The following MBNL1 variants were observed in gnomAD, a reference collection of about 807,000 sequenced individuals.
The protein encoded by MBNL1 is muscleblind-like protein 1.
A neutral mutation model predicts 42.2 loss-of-function variants in MBNL1; 8 were observed. That is an observed-to-expected ratio of 0.19 (90% CI 0.11 to 0.34). The LOEUF (loss-of-function observed/expected upper bound fraction) is 0.34. Ranked by LOEUF, MBNL1 falls within the 10% of genes least tolerant of loss-of-function variation. The probability of loss-of-function intolerance (pLI) is 1.00; values close to 1 mark genes in which losing one functional copy is unlikely to be tolerated. For missense variants in MBNL1, 309 were observed against 495.3 expected, an observed-to-expected ratio of 0.62 and a Z score of 3.57; for synonymous variants, 169 against 173.9, an observed-to-expected ratio of 0.97 and a Z score of 0.22.
rs569447201 is a variant in MBNL1, at chr3:152,325,745, TA to T, written c.174+25393del. Among the ~76,000 whole-genome samples the T allele has an allele frequency of 7.4e-3, 1,022 of 138,754 alleles. 6 individuals are homozygous for T. The highest frequency in any genetic ancestry group is 0.016 in the African/African-American group (620 of 38,068). The allele number at this position is 138,754 out of a possible 152,430, so 91.0% of individuals were successfully genotyped here. On this transcript the variant is annotated intron_variant, in intron 2 of 9. Transcript: ENST00000324210. Reference sequence around the variant, plus strand: ...TTTTGTGACTTCAGGTTAGAAATATTAAAAAAAAAAAAAAATCCTTAATTGC... The same window carrying T: ...TTTTGTGACTTCAGGTTAGAAATATTAAAAAAAAAAAAAATCCTTAATTGC...
chr3:152,445,669 C>A, intron 5 of MBNL1, 130 bp downstream of exon 5: 1 of 920,488 alleles, frequency 1.1e-6, no homozygotes, highest in Non-Finnish European at 1.6e-6. Context: ...GTTCAGGTAT[C>A]CCAGACAATA....
chr3:152,384,978 G>A (rs1190396066), intron 2 of MBNL1, among the ~76,000 whole-genome samples: 2 of 151,982 alleles, frequency 1.3e-5, no homozygotes, highest in African/African-American at 4.8e-5. Flanking sequence ...AGCATGAAAA[G>A]CAGGTCAAAT....
chr3:152,464,127 G>A lies in MBNL1; in HGVS notation c.*1761G>A, dbSNP rs1023852826. The A allele has an allele frequency of 6.6e-6, 1 of 152,268 alleles. No homozygotes were observed. Among genetic ancestry groups the A allele is most frequent in the Non-Finnish European group, 1.5e-5 (1 of 67,898 alleles). 9.4% of individuals were successfully genotyped at this position (152,268 alleles called of 1,614,324 possible). ...TACTTATTTTTCTTGTTAAAATGTA[G>A]TTTTTCATTTCCTACATTTATTAGA... On this transcript the variant is annotated 3_prime_UTR_variant, in exon 10 of 10. Coordinates refer to ENST00000324210, the MANE Select transcript of MBNL1 (RefSeq NM_021038.5).
chr3:152,308,680 T>C (rs1465090154), intron 2 of MBNL1, among the ~76,000 whole-genome samples: 1 of 152,188 alleles, frequency 6.6e-6, no homozygotes, highest in Non-Finnish European at 1.5e-5. Context: ...CTGCAGAGCT[T>C]AATGAACAGC....
intron 2 of MBNL1, among the ~76,000 whole-genome samples, chr3:152,252,594 C>T (rs1462528953): frequency 6.6e-6 from 1 of 151,978 alleles, no homozygotes; most frequent in Non-Finnish European, 1.5e-5. Context: ...TTGTATTTCA[C>T]ATCTCTTCAA....
At chr3:152,348,219 A>G (rs76437832) in intron 2 of MBNL1, among the ~76,000 whole-genome samples, 10,986 of 152,198 alleles carry the variant, frequency 0.072, 514 homozygotes, top group Middle Eastern at 0.17. Context: ...AGAAAAATGT[A>G]TTTTTAACAG....
chr3:152,244,805 A>C (rs778762651), intron 2 of MBNL1, among the ~76,000 whole-genome samples: 16 of 152,162 alleles, frequency 1.1e-4, no homozygotes, highest in Non-Finnish European at 2.2e-4. Flanking sequence ...TATTTCTAAT[A>C]TTCTCTCACA....
intron 6 of MBNL1, among the ~76,000 whole-genome samples, chr3:152,453,311 A>G (rs765855918): frequency 6.6e-6 from 1 of 152,190 alleles, no homozygotes; most frequent in Non-Finnish European, 1.5e-5. Context: ...GTATGCATAC[A>G]TCTTATTTGT....
At chr3:152,317,971 C>T (rs1301943372) in intron 2 of MBNL1, among the ~76,000 whole-genome samples, 2 of 152,140 alleles carry the variant, frequency 1.3e-5, no homozygotes, top group African/African-American at 4.8e-5. Flanking sequence ...TATAGTTTTG[C>T]AAAATATTAA....
At chr3:152,249,005 T>C (rs1239150614) in intron 2 of MBNL1, among the ~76,000 whole-genome samples, 3 of 151,632 alleles carry the variant, frequency 2.0e-5, no homozygotes, top group Non-Finnish European at 4.4e-5. Context: ...ATTTTCTTAA[T>C]CTAGTCTATC....
At chr3:152,317,271 T>C (rs969703860) in intron 2 of MBNL1, among the ~76,000 whole-genome samples, 2 of 152,208 alleles carry the variant, frequency 1.3e-5, no homozygotes, top group African/African-American at 4.8e-5. Flanking sequence ...CTACCTGATA[T>C]GACTTTGTGA....
At position 152,342,491 on chromosome 3, in the gene MBNL1, C is replaced by G. The variant is rs138007284; in HGVS notation, c.174+42124C>G. 1.3e-3 allele frequency among the ~76,000 whole-genome samples: 196 copies of G among 151,518 alleles called. 3 individuals are homozygous for G. In the East Asian group the frequency reaches 0.031, roughly 24 times the overall value. ...ATTATGTAATGTTTCCAGGGTCACA[C>G]AACTAGAAAAAGATTGAGTCAGAAT... On this transcript the variant is annotated intron_variant, in intron 2 of 9. Coordinates refer to ENST00000324210, the MANE Select transcript of MBNL1 (RefSeq NM_021038.5).
At chr3:152,297,819 C>A (rs1262731130) in intron 1 of MBNL1, among the ~76,000 whole-genome samples, 1 of 151,884 alleles carries the variant, frequency 6.6e-6, no homozygotes. Context: ...CCACGCCCAG[C>A]TAATTTTTGT....
At chr3:152,421,483 G>A (rs1201949208) in intron 3 of MBNL1, among the ~76,000 whole-genome samples, 1 of 152,150 alleles carries the variant, frequency 6.6e-6, no homozygotes, top group Admixed American at 6.5e-5. Context: ...TTGGGGGAAG[G>A]CATTTGCTAT....
chr3:152,277,086 T>G (rs903504118), intron 1 of MBNL1, among the ~76,000 whole-genome samples: 3 of 152,218 alleles, frequency 2.0e-5, no homozygotes, highest in Non-Finnish European at 1.5e-5. Flanking sequence ...TTAAGAATTA[T>G]ATAAAATATC....
chr3:152,373,460 C>G (rs1375769066), intron 2 of MBNL1, among the ~76,000 whole-genome samples: 1 of 151,982 alleles, frequency 6.6e-6, no homozygotes, highest in African/African-American at 2.4e-5. Flanking sequence ...AGGGAATCTC[C>G]TGGTCTGTGG....
upstream of MBNL1, chr3:152,268,012 G>C (rs1390760088): frequency 6.6e-6 from 1 of 152,124 alleles, no homozygotes; most frequent in Middle Eastern, 3.2e-3. Flanking sequence ...AGACGTTCAG[G>C]ATTCTTTCCA....
intron 1 of MBNL1, among the ~76,000 whole-genome samples, chr3:152,274,935 C>T (rs756006317): frequency 2.0e-5 from 3 of 152,068 alleles, no homozygotes; most frequent in Admixed American, 6.5e-5. Context: ...AGGACTTAAG[C>T]AGTTCATATT....
chr3:152,425,500 C>G (rs932032006), intron 3 of MBNL1, among the ~76,000 whole-genome samples: 2 of 151,824 alleles, frequency 1.3e-5, no homozygotes, highest in African/African-American at 4.8e-5. Flanking sequence ...CCCAGCTATT[C>G]AGGAGGCTGA....
Sources: gnomAD v4.1 joint callset for allele counts (sites outside exome capture counted in the v4.1 genomes callset) on GRCh38, gnomAD v4.1.1 for gene constraint, MANE v1.5 for transcripts, NCBI Gene and HGNC (gene_info 2026-07-23, HGNC 2026-07-21) for gene names.